The following KANK1 variants were observed in gnomAD, a reference collection of about 807,000 sequenced individuals.
KANK1 encodes the protein KN motif and ankyrin repeat domain-containing protein 1.
KANK1 carries 109 observed loss-of-function variants against 106.2 expected under a neutral mutation model. The observed-to-expected ratio is 1.03, with a 90% CI of 0.88 to 1.20. KANK1 has a LOEUF of 1.20. KANK1 is among the 50% of genes most tolerant of loss of function. The pLI, the probability that KANK1 is intolerant of heterozygous loss-of-function variation, is 0.00. For missense variants in KANK1, 2,399 were observed against 1,710.7 expected (o/e 1.40, Z -7.10); for synonymous variants, 873 against 652.2 (o/e 1.34, Z -5.16).
At chr9:488,933 AAGTT>A (rs1272253170) in intron 3 of KANK1, 1 of 152,122 alleles carries the variant, frequency 6.6e-6, no homozygotes, top group Non-Finnish European at 1.5e-5. Context: ...ACTGGAATAG[AAGTT>A]AGGAGACTTC....
At chr9:560,010 A>T (rs1374059596) in intron 1 of KANK1, among the ~76,000 whole-genome samples, 1 of 152,176 alleles carries the variant, frequency 6.6e-6, no homozygotes, top group African/African-American at 2.4e-5. Context: ...ATCTGACTCC[A>T]TGTTTTCTAT....
intron 3 of KANK1, among the ~76,000 whole-genome samples, chr9:717,130 C>T (rs1009316928): frequency 6.6e-6 from 1 of 151,882 alleles, no homozygotes; most frequent in African/African-American, 2.4e-5. Context: ...ACTAAAAATA[C>T]AAAAATTTGC....
intron 1 of KANK1, among the ~76,000 whole-genome samples, chr9:576,427 C>G (rs1330873615): frequency 6.6e-6 from 1 of 152,200 alleles, no homozygotes; most frequent in Non-Finnish European, 1.5e-5. Flanking sequence ...AATATTTGCT[C>G]TGCTAGGCAC....
At chr9:512,576 C>T (rs760987406) in intron 1 of KANK1, among the ~76,000 whole-genome samples, 60 of 152,098 alleles carry the variant, frequency 3.9e-4, no homozygotes, top group Non-Finnish European at 7.6e-4. Flanking sequence ...TACCCTGCTA[C>T]GAGCACCTTG....
intron 2 of KANK1, among the ~76,000 whole-genome samples, chr9:704,754 G>C (rs1823565677): frequency 6.6e-6 from 1 of 152,120 alleles, no homozygotes; most frequent in Admixed American, 6.5e-5. Flanking sequence ...GCTGAGGTGG[G>C]AGGATTGCTT....
At chr9:601,898 A>G (rs1165996527) in intron 1 of KANK1, among the ~76,000 whole-genome samples, 1 of 151,824 alleles carries the variant, frequency 6.6e-6, no homozygotes, top group Non-Finnish European at 1.5e-5. Flanking sequence ...TTTAGAAACC[A>G]ATATCTGAGT....
At chr9:634,040 A>T (rs942213110) in intron 1 of KANK1, among the ~76,000 whole-genome samples, 6 of 152,228 alleles carry the variant, frequency 3.9e-5, no homozygotes, top group African/African-American at 1.4e-4. Context: ...AAGTTCAGAA[A>T]TGAACTTCTG....
At chr9:676,753 C>G (rs1367679547) in intron 1 of KANK1, 137 bp from the exon 2 acceptor site, 2 of 478,006 alleles carry the variant, frequency 4.2e-6, no homozygotes, top group African/African-American at 2.0e-5. Context: ...GCAGTCACCT[C>G]CTGGATCTAT....
At chr9:568,169 C>T (rs1818272103) in intron 1 of KANK1, among the ~76,000 whole-genome samples, 1 of 152,114 alleles carries the variant, frequency 6.6e-6, no homozygotes, top group African/African-American at 2.4e-5. Context: ...ATAACCACTA[C>T]CTTATCTATA....
At position 548,465 on chromosome 9, in the gene KANK1, C is replaced by CA. The variant is rs1173634837; in HGVS notation, c.-84+43712dup. On this transcript the variant is annotated intron_variant, in intron 1 of 11. Coordinates refer to ENST00000382297, the MANE Select transcript of KANK1 (RefSeq NM_015158.5). ...TCAGCAGCACGTACAGATGCCCTCA[C>CA]ATGCTTTCTGGGATGACTTTAACGC... Among the ~76,000 whole-genome samples, 14 of 152,306 alleles carry CA rather than the reference C, an allele frequency of 9.2e-5. No individual in the cohort carries two copies. The East Asian group carries it at 2.7e-3, about 29-fold the overall frequency.
intron 1 of KANK1, among the ~76,000 whole-genome samples, chr9:666,354 G>A (rs1844578473): frequency 6.6e-6 from 1 of 152,100 alleles, no homozygotes; most frequent in South Asian, 2.1e-4. Flanking sequence ...ACTTCTAATA[G>A]TTTTTTGGTT....
chr9:637,503 C>G (rs545547956), intron 1 of KANK1, among the ~76,000 whole-genome samples: 2 of 152,124 alleles, frequency 1.3e-5, no homozygotes, highest in Non-Finnish European at 2.9e-5. Context: ...GTACTTAACT[C>G]AAGTACGTAT....
intron 9 of KANK1, among the ~76,000 whole-genome samples, chr9:741,891 T>C (rs1835676451): frequency 6.6e-6 from 1 of 152,042 alleles, no homozygotes; most frequent in South Asian, 2.1e-4. Context: ...AGTGCTAGGG[T>C]TACAGGCGTG....
intron 1 of KANK1, among the ~76,000 whole-genome samples, chr9:570,556 T>C (rs1818908907): frequency 6.6e-6 from 1 of 152,220 alleles, no homozygotes. Context: ...AAGGCAGAAA[T>C]AATTTTCTAA....
chr9:633,310 T>C (rs1415572493), intron 1 of KANK1, among the ~76,000 whole-genome samples: 2 of 151,840 alleles, frequency 1.3e-5, no homozygotes, highest in African/African-American at 4.8e-5. Flanking sequence ...CAAAAAAAAT[T>C]AGCCGGGCGT....
chr9:631,454 C>T (rs1204576925), intron 1 of KANK1, among the ~76,000 whole-genome samples: 1 of 152,172 alleles, frequency 6.6e-6, no homozygotes, highest in Non-Finnish European at 1.5e-5. Flanking sequence ...CCATCCCACG[C>T]ACTGAGGCTT....
At chr9:530,848 C>G (rs528022043) in intron 1 of KANK1, among the ~76,000 whole-genome samples, 8 of 151,980 alleles carry the variant, frequency 5.3e-5, no homozygotes, top group Non-Finnish European at 1.0e-4. Flanking sequence ...ATTAGCCAGA[C>G]GTGGTGGGGC....
At chr9:570,451 A>G (rs1818886063) in intron 1 of KANK1, among the ~76,000 whole-genome samples, 1 of 152,136 alleles carries the variant, frequency 6.6e-6, no homozygotes, top group Non-Finnish European at 1.5e-5. Flanking sequence ...AAATCTAGAC[A>G]CAGGTCCCTA....
chr9:685,855 C>T (rs189165751), intron 2 of KANK1, among the ~76,000 whole-genome samples: 5 of 152,322 alleles, frequency 3.3e-5, no homozygotes, highest in Admixed American at 1.3e-4. Context: ...CATCCATCAG[C>T]TTTGCAAATA....
Sources: gnomAD v4.1 joint callset for allele counts (sites outside exome capture counted in the v4.1 genomes callset) on GRCh38, gnomAD v4.1.1 for gene constraint, MANE v1.5 for transcripts, NCBI Gene and HGNC (gene_info 2026-07-23, HGNC 2026-07-21) for gene names.